The following CFAP46 variants were observed in gnomAD, a reference collection of about 807,000 sequenced individuals.
The protein encoded by CFAP46 is cilia- and flagella-associated protein 46.
In CFAP46, 245 loss-of-function variants were observed where a neutral mutation model predicts 325.7. The observed-to-expected ratio is 0.75, with a 90% CI of 0.68 to 0.84. CFAP46 has a LOEUF of 0.84. Ranked by LOEUF, CFAP46 falls within the 40% of genes least tolerant of loss-of-function variation. CFAP46 has a pLI of 0.00. For missense variants in CFAP46, 3,346 were observed against 3,543.0 expected (o/e 0.94, Z 1.41); for synonymous variants, 1,523 against 1,495.9 (o/e 1.02, Z -0.42).
Position 132,813,165 on chromosome 10 carries a change from C to T in CFAP46, c.7389-268G>A, listed in dbSNP as rs553402995. On this transcript the variant is annotated intron_variant, in intron 54 of 57. Coordinates refer to ENST00000368586, the MANE Select transcript of CFAP46 (RefSeq NM_001200049.3). ...ACCCCTACTCGGGCGGGGCTCGCTG[C>T]GGGAAACGCTAGGAGGGGCTTTCCC... Among the ~76,000 whole-genome samples, 8 of 152,186 alleles carry T rather than the reference C, an allele frequency of 5.3e-5. No individual in the cohort carries two copies. In the South Asian group the frequency reaches 8.3e-4, roughly 16 times the overall value.
At chr10:132,892,114 G>A (rs1468756637) in intron 25 of CFAP46, among the ~76,000 whole-genome samples, 1 of 152,184 alleles carries the variant, frequency 6.6e-6, no homozygotes, top group Non-Finnish European at 1.5e-5. Flanking sequence ...TCCCGGCTCT[G>A]GCTTCATTGC....
intron 50 of CFAP46, among the ~76,000 whole-genome samples, chr10:132,818,132 C>T (rs928359998): frequency 6.6e-5 from 10 of 152,202 alleles, no homozygotes; most frequent in African/African-American, 1.4e-4. Flanking sequence ...CCAACCACAC[C>T]GTTGCTGGAG....
At chr10:132,835,550 G>A (rs916272738) in intron 46 of CFAP46, 116 bp from the exon 47 acceptor site, 2 of 1,326,528 alleles carry the variant, frequency 1.5e-6, no homozygotes, top group African/African-American at 2.9e-5. Context: ...CTGCATGGAT[G>A]GAAGTCCCTT....
At chr10:132,863,042 G>A (rs1848746203) in intron 35 of CFAP46, among the ~76,000 whole-genome samples, 1 of 152,152 alleles carries the variant, frequency 6.6e-6, no homozygotes, top group Admixed American at 6.5e-5. Flanking sequence ...CAAAACAGCG[G>A]CTGCAGGAAG....
At chr10:132,894,393 A>G (rs1034116185) in intron 24 of CFAP46, among the ~76,000 whole-genome samples, 1 of 152,238 alleles carries the variant, frequency 6.6e-6, no homozygotes, top group African/African-American at 2.4e-5. Context: ...TAAATGCTGT[A>G]TTAAAGAAGG....
chr10:132,878,898 C>T lies in CFAP46; in HGVS notation c.4005+528G>A, dbSNP rs186869056. Among the ~76,000 whole-genome samples the T allele has an allele frequency of 9.8e-3, 1,496 of 152,252 alleles. 15 individuals carry two copies. The highest frequency in any genetic ancestry group is 0.043 in the South Asian group (209 of 4,820). The stretch of plus-strand genomic sequence containing the variant: ...AGGCCTAGACAGACGCACGGGGAGG[C>T]CCCCGACAGCTGCTCCTGGTGGGCT... On this transcript the variant is annotated intron_variant, in intron 29 of 57. Transcript: ENST00000368586.
At chr10:132,930,162 T>C (rs988593050) in intron 8 of CFAP46, among the ~76,000 whole-genome samples, 1 of 152,198 alleles carries the variant, frequency 6.6e-6, no homozygotes, top group Admixed American at 6.5e-5. Context: ...GCACAGCAGC[T>C]CAGACCCACA....
rs1315819709 is a variant in CFAP46 at position 132,869,250 on chromosome 10, G to A, written c.4610+24C>T. ...CAAGGGCGAGACTCAAACCCCAGGC[G>A]GCGCAGGGTGGGACGGCACACACCT... is the stretch of plus-strand genomic sequence containing the variant. On this transcript the variant is annotated intron_variant, in intron 33 of 57. Coordinates refer to ENST00000368586, the MANE Select transcript of CFAP46 (RefSeq NM_001200049.3). The surrounding 1 kb of genome is among the most constrained non-coding windows in gnomAD (Gnocchi z 6.2). The A allele has an allele frequency of 2.7e-5, 40 of 1,496,332 alleles. No homozygotes were observed. Among genetic ancestry groups the A allele is most frequent in the Non-Finnish European group, 3.6e-5 (40 of 1,116,270 alleles). The allele number at this position is 1,496,332 out of a possible 1,614,324, so 92.7% of individuals were successfully genotyped here. A position where few individuals can be genotyped will look rare whatever the true frequency, so the allele number is the denominator to read the frequency against.
At position 132,822,772 on chromosome 10, in the gene CFAP46, G is replaced by C. The variant is rs1847898802; in HGVS notation, c.7118-7858C>G. Among the ~76,000 whole-genome samples the C allele has an allele frequency of 3.5e-5, 5 of 142,384 alleles. No homozygotes were observed. In the South Asian group the frequency reaches 9.4e-4, roughly 27 times the overall value. 93.4% of individuals were successfully genotyped at this position (142,384 alleles called of 152,430 possible). Reference sequence around the variant, plus strand: ...TGCTGTGTGAGTGCTGATGTGTGCTGTGTGTGCACTTGTGTGTGCTGTGTG... The same window carrying C: ...TGCTGTGTGAGTGCTGATGTGTGCTCTGTGTGCACTTGTGTGTGCTGTGTG... On this transcript the variant is annotated intron_variant, in intron 50 of 57. Transcript: ENST00000368586.
Position 132,880,928 on chromosome 10 carries a change from C to T in CFAP46, c.3732G>A (p.Trp1244Ter). The change falls in exon 28 of 58, where the codon TGG becomes TGA. Residue 1244 changes from tryptophan (W) to a stop codon, truncating the protein, a stop_gained. Transcript: ENST00000368586. LOFTEE classifies it high-confidence loss of function. ...TCATGGCCAGCAGGATCTCGACAGCCCAGCGGAGGTGGAAGACCACGTCCT... is the reference window on the plus strand; with the variant it reads ...TCATGGCCAGCAGGATCTCGACAGCTCAGCGGAGGTGGAAGACCACGTCCT... Reference protein sequence around the residue: ...PLEDVVFHLRWAVEILLAMKP... With the variant: ...PLEDVVFHLR The T allele has an allele frequency of 1.3e-6, 2 of 1,550,400 alleles. No individual in the cohort carries two copies. The highest frequency in any genetic ancestry group is 1.7e-6 in the Non-Finnish European group (2 of 1,146,910).
chr10:132,921,756 A>G (rs149383195), intron 13 of CFAP46, among the ~76,000 whole-genome samples: 42 of 152,274 alleles, frequency 2.8e-4, no homozygotes, highest in East Asian at 2.1e-3. Context: ...CGGGGAGGAG[A>G]TGGCGTCCAC....
At chr10:132,885,645 A>C (rs553309100) in intron 26 of CFAP46, among the ~76,000 whole-genome samples, 176 bp downstream of exon 26, 12 of 84,720 alleles carry the variant, frequency 1.4e-4, no homozygotes, top group African/African-American at 4.8e-4. Flanking sequence ...GGGGGAGCAC[A>C]CTCCGGTGGG....
chr10:132,831,558 C>T (rs1484408693), intron 50 of CFAP46, among the ~76,000 whole-genome samples: 3 of 152,192 alleles, frequency 2.0e-5, no homozygotes, highest in Non-Finnish European at 4.4e-5. Context: ...TCTCACCATG[C>T]CAACCTTCTT....
intron 22 of CFAP46, among the ~76,000 whole-genome samples, chr10:132,907,710 C>T (rs930965020): frequency 3.9e-5 from 6 of 152,198 alleles, no homozygotes; most frequent in Non-Finnish European, 8.8e-5. Flanking sequence ...CTGGGCGATC[C>T]TCACCCCCAC....
intron 22 of CFAP46, among the ~76,000 whole-genome samples, chr10:132,907,099 G>A (rs1849467788): frequency 6.6e-6 from 1 of 152,206 alleles, no homozygotes; most frequent in South Asian, 2.1e-4. Context: ...CTGGTGTGCA[G>A]GGCTGTGGGA....
chr10:132,810,562 C>T (rs776319016), intron 56 of CFAP46, 73 bp from the exon 57 acceptor site: 9 of 1,381,282 alleles, frequency 6.5e-6, no homozygotes, highest in African/African-American at 2.9e-5. Context: ...GGGACAGGCC[C>T]GGGATGCCAG....
rs868499197 is a variant in CFAP46 at position 132,912,720 on chromosome 10, G to A, written c.2434C>T (p.Arg812Ter). 9.0e-6 allele frequency: 14 copies of A among 1,550,022 alleles called. No individual in the cohort carries two copies. Among genetic ancestry groups the A allele is most frequent in the East Asian group, 7.3e-5 (3 of 40,910 alleles). The change falls in exon 19 of 58, where the codon CGA (arginine) becomes TGA (stop). Residue 812 changes from arginine (R) to a stop codon, truncating the protein, a stop_gained. Transcript: ENST00000368586. LOFTEE classifies it high-confidence loss of function. ...QAAEKSRKFM[R>*]PNAFHSPLDA... ...AGTGGGCTGTGAAACGCGTTTGGTC[G>A]CATGAATTTCCTGGACTTCTCGGCA...
rs11146559 is a variant in CFAP46, at chr10:132,881,181, C to A, written c.3628-149G>T. 45,279 of 731,920 alleles carry A rather than the reference C, an allele frequency of 0.062. 1,818 individuals carry two copies. The highest frequency in any genetic ancestry group is 0.07 in the Non-Finnish European group (31,366 of 449,980). The allele number at this position is 731,920 out of a possible 1,614,324, so 45.3% of individuals were successfully genotyped here. On this transcript the variant is annotated intron_variant, in intron 27 of 57. Transcript: ENST00000368586. ...ATTTGCAGGCCGCCTCTAATGAGAC[C>A]AAGTTGCCATTTAGGCTCATTGGGA...
chr10:132,899,004 C>G lies in CFAP46; in HGVS notation c.3174G>C (p.Leu1058=), dbSNP rs1849356132. The change falls in exon 24 of 58, where the codon CTG becomes CTC. Residue 1058 remains leucine, a synonymous_variant. Transcript: ENST00000368586. ...AVYRKKAKGA[L]KRLIGIINKT... ...TGTTGATGATGCCGATGAGCCTCTT[C>G]AGGGCACCCTTGGCCTTCTTCCTGT... 6.4e-7 allele frequency: 1 copy of G among 1,550,594 alleles called. No individual in the cohort carries two copies. Among genetic ancestry groups the G allele is most frequent in the African/African-American group, 1.4e-5 (1 of 73,176 alleles).
Sources: allele counts gnomAD v4.1 joint callset (sites outside exome capture counted in the v4.1 genomes callset), GRCh38; gene constraint gnomAD v4.1.1; non-coding constraint Gnocchi (gnomAD v3.1); transcripts MANE v1.5; gene names NCBI Gene and HGNC (gene_info 2026-07-23, HGNC 2026-07-21).